NEB: variants seen among roughly 807,000 people sequenced by gnomAD.
The protein encoded by NEB is nemaline myopathy type 2.
Under a neutral mutation model 952.2 loss-of-function variants are expected in NEB, and 512 were observed. The observed-to-expected ratio is 0.54, with a 90% CI of 0.50 to 0.58. The LOEUF is 0.58. Ranked by LOEUF, NEB falls within the 20% of genes least tolerant of loss-of-function variation. The probability of loss-of-function intolerance (pLI) is 0.00; values close to 1 mark genes in which losing one functional copy is unlikely to be tolerated. For synonymous variants in NEB, 2,900 were observed against 3,149.8 expected (o/e 0.92, Z 2.66); for missense variants, 8,428 against 9,231.1 (o/e 0.91, Z 3.56).
chr2:151,644,484 C>A lies in NEB; in HGVS notation c.7628G>T (p.Arg2543Leu). 6.2e-7 allele frequency: 1 copy of A among 1,613,118 alleles called. No homozygotes were observed. Among genetic ancestry groups the A allele is most frequent in the East Asian group, 2.2e-5 (1 of 44,848 alleles). The change falls in exon 56 of 182, where the codon CGG becomes CTG. Residue 2543 changes from arginine (R) to leucine (L), a missense_variant. By Grantham distance (102) the Arg-to-Leu change is moderately radical. Coordinates refer to ENST00000397345, the MANE Select transcript of NEB (RefSeq NM_001164508.2). ...AIPIKAAKAS[R>L]EIASEYKYKE... ...AAATCTTACTTCACTGGCAATTTCC[C>A]GGGAGGCTTTTGCTGCTTTGATTGG...
chr2:151,669,796 T>G (rs1385806070), intron 38 of NEB, among the ~76,000 whole-genome samples: 2 of 152,170 alleles, frequency 1.3e-5, no homozygotes, highest in African/African-American at 4.8e-5. Context: ...CATGATTTGA[T>G]TCGTGTTTTA....
At chr2:151,612,976 C>T (rs974663982) in intron 77 of NEB, among the ~76,000 whole-genome samples, 2 of 152,152 alleles carry the variant, frequency 1.3e-5, no homozygotes, top group African/African-American at 2.4e-5. Context: ...TAAACAAATA[C>T]ATTTTTTCTT....
rs762749537 is a variant in NEB, at chr2:151,666,282, C to T, written c.4839G>A (p.Glu1613=). ...TGCTGGCTTCATAGCCCTTTTTGTA[C>T]TCACGATCAGACTGGATTTTGGCCA... ...MNVAKIQSDR[E]YKKGYEASKT... The change falls in exon 41 of 182, where the codon GAG becomes GAA. Residue 1613 remains glutamate (E), a synonymous_variant. Coordinates refer to ENST00000397345, the MANE Select transcript of NEB (RefSeq NM_001164508.2). 43 of 1,613,786 alleles carry T rather than the reference C, an allele frequency of 2.7e-5. No individual in the cohort carries two copies. Among genetic ancestry groups the T allele is most frequent in the Non-Finnish European group, 3.6e-5 (42 of 1,179,860 alleles).
In NEB at chr2:151,706,959, T is replaced by C. The variant is rs2099709094; in HGVS notation, c.1074A>G (p.Lys358=). The stretch of plus-strand genomic sequence containing the variant: ...AAGCAGGAAGCACATTATAATCTGC[T>C]TTTCCTTTATTCTTTTCATAGTCTT... ...YKEDYEKNKG[K]ADYNVLPASE... Residue 358 remains lysine (K), a synonymous_variant, in exon 13 of 182, where the codon AAA becomes AAG. Transcript: ENST00000397345. The C allele has an allele frequency of 6.3e-7, 1 of 1,597,694 alleles. No individual in the cohort carries two copies. Among genetic ancestry groups the C allele is most frequent in the Admixed American group, 1.7e-5 (1 of 57,898 alleles).
chr2:151,668,109 A>G (rs191894959), intron 39 of NEB, among the ~76,000 whole-genome samples, 198 bp from the exon 40 acceptor site: 50 of 152,358 alleles, frequency 3.3e-4, no homozygotes, highest in African/African-American at 1.1e-3. Context: ...TATACACAGT[A>G]TAATCTCAAC....
At chr2:151,677,377 TA>T (rs2099373018) in intron 34 of NEB, among the ~76,000 whole-genome samples, 187 bp downstream of exon 34, 1 of 152,006 alleles carries the variant, frequency 6.6e-6, no homozygotes, top group Non-Finnish European at 1.5e-5. Context: ...AAAAGGAAGA[TA>T]AAAAGCAAGA....
In NEB at chr2:151,664,560, G is replaced by T; in HGVS notation, c.5392C>A (p.Leu1798Met). The part of the protein sequence containing the change: ...WEEEKKKGYD[L>M]RPDAIAIKAA... ...TTTATTGCAATGGCATCAGGCCTCA[G>T]GTCATATCCTTTCTTCTTTTCCTCT... The change falls in exon 44 of 182, where the codon CTG becomes ATG. Residue 1798 changes from leucine (L) to methionine (M), a missense_variant. Leu to Met is a conservative substitution (Grantham distance 15, BLOSUM62 2). Around this residue, in one of 11 missense-constraint regions of NEB, gnomAD observed 2,851 missense variants for 2,791.5 expected, o/e 1.02. Transcript: ENST00000397345. The T allele has an allele frequency of 6.2e-7, 1 of 1,608,804 alleles. No individual in the cohort carries two copies. Among genetic ancestry groups the T allele is most frequent in the East Asian group, 2.2e-5 (1 of 44,768 alleles).
rs748518353 is a variant in NEB at position 151,709,697 on chromosome 2, C to T, written c.994G>A (p.Glu332Lys). ...CCAGCTTTTTTATTCATTTTATACT[C>T]TGGTGTTTCGGTCTGCATGAAGTAG... Reference protein sequence around the residue: ...QIYFMQTETPEYKMNKKAGVA... With the variant: ...QIYFMQTETPKYKMNKKAGVA... The change falls in exon 12 of 182, where the codon GAG becomes AAG. Residue 332 changes from glutamate to lysine, a missense_variant. Glu to Lys is a moderately conservative substitution (Grantham distance 56, BLOSUM62 1). This residue lies in a region of NEB where 2,851 missense variants were observed against 2,791.5 expected (regional missense o/e 1.02). Transcript: ENST00000397345. 46 of 1,605,376 alleles carry T rather than the reference C, an allele frequency of 2.9e-5. No homozygotes were observed. The highest frequency in any genetic ancestry group is 3.7e-5 in the Non-Finnish European group (43 of 1,175,386).
rs530488571 is a variant in NEB, at chr2:151,672,057, C to T, written c.4299+312G>A. Among the ~76,000 whole-genome samples, 4 of 151,936 alleles carry T rather than the reference C, an allele frequency of 2.6e-5. No individual in the cohort carries two copies. In the East Asian group the frequency reaches 5.8e-4, roughly 22 times the overall value. ...TTCTATTTTTGCATTTTGTATCTAT[C>T]ACCATTGCAGCCAACCCATCAGGAA... On this transcript the variant is annotated intron_variant, in intron 37 of 181. Transcript: ENST00000397345.
chr2:151,650,479 A>G (rs529383426), intron 53 of NEB, 95 bp downstream of exon 53: 4 of 1,497,650 alleles, frequency 2.7e-6, no homozygotes, highest in Admixed American at 4.1e-5. Flanking sequence ...TAGATTTTCA[A>G]TAATAATTCC....
intron 9 of NEB, among the ~76,000 whole-genome samples, chr2:151,720,406 A>C (rs1371165659): frequency 1.3e-5 from 2 of 152,352 alleles, no homozygotes; most frequent in Non-Finnish European, 2.9e-5. Flanking sequence ...CAACAGTATT[A>C]ATAGGCATGT....
In NEB at chr2:151,554,463, G is replaced by A. The variant is rs116482380; in HGVS notation, c.19429-438C>T. On this transcript the variant is annotated intron_variant, in intron 125 of 181. Transcript: ENST00000397345. ...AGGCCCAGTTACTCAGCAGGCTGAG[G>A]TGGGATGATTCCCGGAGCCCAAGAG... Among the ~76,000 whole-genome samples the A allele has an allele frequency of 5.8e-3, 878 of 152,276 alleles. 5 individuals carry two copies. The highest frequency in any genetic ancestry group is 9.1e-3 in the Non-Finnish European group (621 of 68,018).
At chr2:151,496,206 T>C (rs2060061527) in intron 173 of NEB, 70 bp downstream of exon 173, 1 of 1,395,510 alleles carries the variant, frequency 7.2e-7, no homozygotes, top group Non-Finnish European at 9.9e-7. Flanking sequence ...AGGATTAATA[T>C]GTATTATTTT....
At chr2:151,669,475 A>G (rs2099259673) in intron 38 of NEB, among the ~76,000 whole-genome samples, 1 of 152,246 alleles carries the variant, frequency 6.6e-6, no homozygotes, top group Non-Finnish European at 1.5e-5. Context: ...TGTCAATGGA[A>G]TCATTGTAGC....
chr2:151,514,963 A>C (rs1390338549), intron 157 of NEB, 35 bp from the exon 158 acceptor site: 2 of 1,382,408 alleles, frequency 1.4e-6, no homozygotes, highest in Non-Finnish European at 1.0e-6. Flanking sequence ...AAGTTAAAAA[A>C]AAATCTTTAT....
At chr2:151,552,403 C>G (rs1020514222) in intron 128 of NEB, among the ~76,000 whole-genome samples, 1 of 152,178 alleles carries the variant, frequency 6.6e-6, no homozygotes, top group Admixed American at 6.5e-5. Context: ...TGCTATGACA[C>G]AGGGCACAAA....
chr2:151,732,769 G>A (rs2099811976), intron 3 of NEB, among the ~76,000 whole-genome samples: 1 of 152,192 alleles, frequency 6.6e-6, no homozygotes, highest in African/African-American at 2.4e-5. Flanking sequence ...AAGAGACAGA[G>A]TTCCATTTTC....
chr2:151,495,722 G>A (rs2059733583), intron 173 of NEB, among the ~76,000 whole-genome samples: 1 of 130,502 alleles, frequency 7.7e-6, no homozygotes, highest in Non-Finnish European at 1.6e-5. Context: ...AGCCATTCTG[G>A]TGACACTTTC....
At chr2:151,641,523 G>T (rs1165166123) in intron 60 of NEB, among the ~76,000 whole-genome samples, 1 of 152,096 alleles carries the variant, frequency 6.6e-6, no homozygotes, top group African/African-American at 2.4e-5. Context: ...TAGAGATAGT[G>T]CCTTGCTATG....
Sources: allele counts gnomAD v4.1 joint callset (sites outside exome capture counted in the v4.1 genomes callset), GRCh38; gene constraint gnomAD v4.1.1; regional missense constraint gnomAD v4.1.1; transcripts MANE v1.5; gene names NCBI Gene and HGNC (gene_info 2026-07-23, HGNC 2026-07-21).